Variants in TAFA5 observed in about 807,000 individuals in gnomAD.
TAFA5 encodes chemokine-like protein TAFA-5.
In TAFA5, 6 loss-of-function variants were observed where a neutral mutation model predicts 15.3. The ratio of observed to expected loss-of-function variants is 0.39; its 90% CI spans 0.21 to 0.77. The LOEUF (loss-of-function observed/expected upper bound fraction) is 0.77, where lower values mean the gene tolerates loss of function less well. TAFA5 is among the 30% of genes least tolerant of loss of function. The pLI, the probability that TAFA5 is intolerant of heterozygous loss-of-function variation, is 0.41. For missense variants in TAFA5, 161 were observed against 193.1 expected (o/e 0.83, Z 0.98); for synonymous variants, 103 against 80.7 (o/e 1.28, Z -1.48).
intron 2 of TAFA5, among the ~76,000 whole-genome samples, chr22:48,694,793 G>A (rs1304274201): frequency 1.7e-4 from 6 of 34,720 alleles, no homozygotes; most frequent in African/African-American, 5.7e-4. Flanking sequence ...ACCCCCCACC[G>A]CTCCAGACCT....
chr22:48,628,936 T>C (rs892856087), intron 1 of TAFA5, among the ~76,000 whole-genome samples: 3 of 152,092 alleles, frequency 2.0e-5, no homozygotes, highest in African/African-American at 7.2e-5. Flanking sequence ...AGGCGTGCAG[T>C]GTGACCAAGA....
At position 48,709,644 on chromosome 22, in the gene TAFA5, G is replaced by A. The variant is rs377083746; in HGVS notation, c.390+1800G>A. The stretch of plus-strand genomic sequence containing the variant: ...GCCCTTTGATGAGCCCCTCCTCCTC[G>A]TGATTTGAGGCCCACGAGGCGCCCA... On this transcript the variant is annotated intron_variant, in intron 3 of 3. Coordinates refer to ENST00000402357, the MANE Select transcript of TAFA5 (RefSeq NM_001082967.3). 1.2e-3 allele frequency among the ~76,000 whole-genome samples: 176 copies of A among 152,236 alleles called. 1 individual carries two copies. Among genetic ancestry groups the A allele is most frequent in the African/African-American group, 2.2e-3 (90 of 41,544 alleles).
chr22:48,645,586 G>A (rs146810570), intron 1 of TAFA5, among the ~76,000 whole-genome samples: 1,750 of 152,140 alleles, frequency 0.012, 22 homozygotes, highest in Middle Eastern at 0.037. Context: ...CTCTGCCCCC[G>A]GGGTCCTTCC....
chr22:48,619,828 G>A (rs1355759348), intron 1 of TAFA5, among the ~76,000 whole-genome samples: 4 of 152,220 alleles, frequency 2.6e-5, no homozygotes, highest in African/African-American at 4.8e-5. Flanking sequence ...GGTGGGAAGC[G>A]CTGTCCTCGT....
intron 2 of TAFA5, among the ~76,000 whole-genome samples, chr22:48,693,874 C>T (rs1928618759): frequency 6.6e-6 from 1 of 152,204 alleles, no homozygotes; most frequent in African/African-American, 2.4e-5. Context: ...CAGATGGACG[C>T]AGCTGACAGA....
At chr22:48,514,490 G>C (rs544537468) in intron 1 of TAFA5, among the ~76,000 whole-genome samples, 2 of 152,298 alleles carry the variant, frequency 1.3e-5, no homozygotes, top group South Asian at 4.2e-4. Context: ...GGGGTTAATT[G>C]AGGTGGCCGC....
intron 1 of TAFA5, among the ~76,000 whole-genome samples, chr22:48,597,515 C>T (rs570747651): frequency 7.7e-4 from 117 of 151,850 alleles, no homozygotes; most frequent in Middle Eastern, 3.4e-3. Context: ...CTGCCGGTCC[C>T]CTCTGGCTGG....
intron 2 of TAFA5, among the ~76,000 whole-genome samples, chr22:48,654,416 C>T (rs1347229432): frequency 6.6e-6 from 1 of 152,220 alleles, no homozygotes; most frequent in Non-Finnish European, 1.5e-5. Context: ...ACGCCTGCTC[C>T]ACTCGTGCTC....
chr22:48,715,287 ACT>A (rs1929369117), intron 3 of TAFA5, among the ~76,000 whole-genome samples: 1 of 152,206 alleles, frequency 6.6e-6, no homozygotes, highest in African/African-American at 2.4e-5. Flanking sequence ...AGCAAAGGTC[ACT>A]CTGGGAGAGA....
chr22:48,647,158 T>G (rs924212618), intron 2 of TAFA5, among the ~76,000 whole-genome samples: 1 of 152,126 alleles, frequency 6.6e-6, no homozygotes, highest in African/African-American at 2.4e-5. Flanking sequence ...CCTGGCTCCT[T>G]GTCTCTGGGT....
Position 48,709,211 on chromosome 22 carries a change from G to A in TAFA5, c.390+1367G>A, listed in dbSNP as rs559321290. ...GCAACGGCGCCACCCCGAGGCATGC[G>A]GACAGGACAGGAGATGAGGGACGTG... On this transcript the variant is annotated intron_variant, in intron 3 of 3. Transcript: ENST00000402357. Among the ~76,000 whole-genome samples the A allele has an allele frequency of 1.3e-4, 20 of 152,324 alleles. 1 individual carries two copies. Among genetic ancestry groups the A allele is most frequent in the African/African-American group, 2.4e-4 (10 of 41,576 alleles).
At chr22:48,586,726 C>T (rs994744812) in intron 1 of TAFA5, among the ~76,000 whole-genome samples, 5 of 152,216 alleles carry the variant, frequency 3.3e-5, no homozygotes, top group African/African-American at 4.8e-5. Context: ...CCCTGGTGGG[C>T]GGAGTCTTTG....
intron 1 of TAFA5, among the ~76,000 whole-genome samples, chr22:48,516,348 A>G (rs1297177041): frequency 6.6e-6 from 1 of 152,044 alleles, no homozygotes; most frequent in Non-Finnish European, 1.5e-5. Context: ...CCTTTGTGCC[A>G]TTTAATTCCT....
intron 1 of TAFA5, among the ~76,000 whole-genome samples, chr22:48,627,421 C>T (rs988715013): frequency 2.0e-5 from 3 of 152,266 alleles, no homozygotes; most frequent in Admixed American, 6.5e-5. Context: ...ACCCAGAGGG[C>T]GCCGCGTGCA....
intron 2 of TAFA5, among the ~76,000 whole-genome samples, chr22:48,679,673 C>T (rs189043694): frequency 5.8e-4 from 64 of 110,296 alleles, no homozygotes; most frequent in Non-Finnish European, 8.5e-4. Flanking sequence ...ATCCCTCTCC[C>T]GTCTCCCCGT....
chr22:48,551,097 G>T (rs1262300824), intron 1 of TAFA5, among the ~76,000 whole-genome samples: 7 of 152,066 alleles, frequency 4.6e-5, no homozygotes, highest in Non-Finnish European at 1.5e-5. Flanking sequence ...GGGGCACGGG[G>T]TGAGGTCCCT....
intron 1 of TAFA5, among the ~76,000 whole-genome samples, chr22:48,612,417 A>G (rs1470529960): frequency 1.3e-5 from 2 of 152,042 alleles, no homozygotes; most frequent in African/African-American, 4.8e-5. Flanking sequence ...TCCCTGCAAC[A>G]CTGACATTTT....
intron 1 of TAFA5, among the ~76,000 whole-genome samples, chr22:48,522,892 CA>C (rs1367454267): frequency 6.6e-6 from 1 of 152,250 alleles, no homozygotes; most frequent in Non-Finnish European, 1.5e-5. Flanking sequence ...TGCTGTCCAC[CA>C]CGTCCCTGTC....
At chr22:48,575,678 G>A (rs1020822144) in intron 1 of TAFA5, among the ~76,000 whole-genome samples, 1 of 146,164 alleles carries the variant, frequency 6.8e-6, no homozygotes, top group Non-Finnish European at 1.5e-5. Flanking sequence ...ACCTAGTCCC[G>A]GCCGCGGCGG....
Sources: gnomAD v4.1 joint callset for allele counts (sites outside exome capture counted in the v4.1 genomes callset) on GRCh38, gnomAD v4.1.1 for gene constraint, MANE v1.5 for transcripts, NCBI Gene and HGNC (gene_info 2026-07-23, HGNC 2026-07-21) for gene names.